PTPRO: variants seen among roughly 807,000 people sequenced by gnomAD.
PTPRO encodes receptor-type tyrosine-protein phosphatase O.
Under a neutral mutation model 145.2 loss-of-function variants are expected in PTPRO, and 62 were observed. The observed-to-expected ratio is 0.43, with a 90% CI of 0.35 to 0.53. The LOEUF is 0.53. Among genes scored for constraint, PTPRO ranks in the 20% least tolerant of loss-of-function variants. The pLI, the probability that PTPRO is intolerant of heterozygous loss-of-function variation, is 0.01. For synonymous variants in PTPRO, 565 were observed against 514.7 expected, an observed-to-expected ratio of 1.10 and a Z score of -1.32; for missense variants, 1,345 against 1,482.7, an observed-to-expected ratio of 0.91 and a Z score of 1.53.
At chr12:15,440,553 G>A (rs1231880633) in intron 1 of PTPRO, among the ~76,000 whole-genome samples, 1 of 152,152 alleles carries the variant, frequency 6.6e-6, no homozygotes, top group Non-Finnish European at 1.5e-5. Context: ...CATGCAAACA[G>A]AGAAGAAATA....
chr12:15,445,103 G>T (rs1940867550), intron 1 of PTPRO, among the ~76,000 whole-genome samples: 1 of 152,022 alleles, frequency 6.6e-6, no homozygotes, highest in Admixed American at 6.6e-5. Flanking sequence ...ATGGGAAAAA[G>T]CATATTAGAA....
intron 1 of PTPRO, among the ~76,000 whole-genome samples, chr12:15,407,146 G>A (rs1046913012): frequency 2.1e-4 from 32 of 152,252 alleles, no homozygotes; most frequent in African/African-American, 6.5e-4. Context: ...TGGACCCCTC[G>A]TTGTTTACCT....
At chr12:15,548,319 G>A (rs577570615) in intron 13 of PTPRO, among the ~76,000 whole-genome samples, 38 of 152,264 alleles carry the variant, frequency 2.5e-4, no homozygotes, top group African/African-American at 7.9e-4. Flanking sequence ...GCATTGTCAC[G>A]CATTGATGCC....
At chr12:15,576,294 A>G (rs1412898547) in intron 19 of PTPRO, among the ~76,000 whole-genome samples, 1 of 152,234 alleles carries the variant, frequency 6.6e-6, no homozygotes. Context: ...TACTGTGTTT[A>G]CATGCAGTTC....
intron 17 of PTPRO, among the ~76,000 whole-genome samples, chr12:15,564,950 CT>C (rs1480663767): frequency 1.3e-5 from 2 of 152,074 alleles, no homozygotes; most frequent in African/African-American, 2.4e-5. Context: ...ACAAATGTAA[CT>C]AACTAAAGCA....
intron 12 of PTPRO, among the ~76,000 whole-genome samples, chr12:15,544,459 T>G (rs2135545250): frequency 7.4e-6 from 1 of 134,780 alleles, no homozygotes; most frequent in Non-Finnish European, 1.5e-5. Context: ...GAGCCGAGAT[T>G]GCACCACCAC....
chr12:15,406,313 G>A (rs1939646282), intron 1 of PTPRO, among the ~76,000 whole-genome samples: 1 of 152,136 alleles, frequency 6.6e-6, no homozygotes. Flanking sequence ...TACATGCAGA[G>A]ATAAATGATT....
chr12:15,526,158 T>C lies in PTPRO; in HGVS notation c.2060T>C (p.Met687Thr). Residue 687 changes from methionine (M) to threonine (T), a missense_variant, in exon 12 of 27, where the codon ATG becomes ACG. Met to Thr is a moderately conservative substitution (Grantham distance 81). This residue lies in a region of PTPRO where 1,130 missense variants were observed against 1,214.7 expected (regional missense o/e 0.93). Coordinates refer to ENST00000281171, the MANE Select transcript of PTPRO (RefSeq NM_030667.3). Reference protein sequence around the residue: ...KIKKSVTRNVMTAILSLPPGD... With the variant: ...KIKKSVTRNVTTAILSLPPGD... ...ATCTTGCAGGTAACACGCAATGTCA[T>C]GACTGCAATTCTCAGCTTGCCTCCA... 6.2e-7 allele frequency: 1 copy of C among 1,614,078 alleles called. No homozygotes were observed. Among genetic ancestry groups the C allele is most frequent in the Non-Finnish European group, 8.5e-7 (1 of 1,179,944 alleles).
chr12:15,328,467 G>A lies in PTPRO; in HGVS notation c.75+5666G>A, dbSNP rs568593951. Among the ~76,000 whole-genome samples, 7 of 152,248 alleles carry A rather than the reference G, an allele frequency of 4.6e-5. No individual in the cohort carries two copies. In the East Asian group the frequency reaches 5.8e-4, roughly 13 times the overall value. On this transcript the variant is annotated intron_variant, in intron 1 of 26. Transcript: ENST00000281171. ...CAGAAGATGTTTGAAACAAGGTTGCGGGGATTTCCTGATAAAAGGTTTTTT... is the reference window on the plus strand; with the variant it reads ...CAGAAGATGTTTGAAACAAGGTTGCAGGGATTTCCTGATAAAAGGTTTTTT...
intron 5 of PTPRO, 102 bp downstream of exon 5, chr12:15,502,165 T>C (rs1942235645): frequency 5.9e-6 from 7 of 1,176,816 alleles, no homozygotes; most frequent in Non-Finnish European, 8.6e-6. Context: ...TAGACAGTTA[T>C]TAGTCAAAGA....
intron 9 of PTPRO, among the ~76,000 whole-genome samples, chr12:15,518,925 T>C (rs1049952543): frequency 6.6e-6 from 1 of 152,212 alleles, no homozygotes; most frequent in Non-Finnish European, 1.5e-5. Flanking sequence ...CTCCAAACTG[T>C]TCCAGCCTCT....
chr12:15,403,667 C>G lies in PTPRO; in HGVS notation c.76-80307C>G, dbSNP rs139597868. Among the ~76,000 whole-genome samples the G allele has an allele frequency of 1.7e-4, 26 of 152,272 alleles. No individual in the cohort carries two copies. The East Asian group carries it at 4.6e-3, about 27-fold the overall frequency. On this transcript the variant is annotated intron_variant, in intron 1 of 26. Transcript: ENST00000281171. ...TTTGGTGTGGCCCTACTTGGCTTCC[C>G]TATTTAAAGGGAAGTCCATTTACTG...
At chr12:15,504,881 C>G (rs551042868) in intron 6 of PTPRO, among the ~76,000 whole-genome samples, 28 of 152,162 alleles carry the variant, frequency 1.8e-4, no homozygotes, top group Non-Finnish European at 3.5e-4. Context: ...AGGAGCTCAG[C>G]TTATGTAGCA....
intron 13 of PTPRO, 75 bp downstream of exon 13, chr12:15,546,783 C>T (rs1943302799): frequency 6.4e-7 from 1 of 1,560,762 alleles, no homozygotes; most frequent in South Asian, 1.1e-5. Flanking sequence ...TAAGAATCTT[C>T]TATTTCTTTG....
At chr12:15,463,449 A>G (rs1941349682) in intron 1 of PTPRO, among the ~76,000 whole-genome samples, 1 of 152,210 alleles carries the variant, frequency 6.6e-6, no homozygotes, top group Non-Finnish European at 1.5e-5. Flanking sequence ...GCAAATCAGA[A>G]ACAAATTATA....
intron 1 of PTPRO, among the ~76,000 whole-genome samples, chr12:15,423,796 G>T (rs931880821): frequency 1.3e-5 from 2 of 152,134 alleles, no homozygotes; most frequent in African/African-American, 2.4e-5. Flanking sequence ...GCTTTTGCCT[G>T]TCAATATCCT....
chr12:15,386,114 C>T (rs2136280577), intron 1 of PTPRO, among the ~76,000 whole-genome samples: 1 of 151,998 alleles, frequency 6.6e-6, no homozygotes, highest in Non-Finnish European at 1.5e-5. Context: ...TCAAGTCATC[C>T]AGAACTCACA....
intron 6 of PTPRO, among the ~76,000 whole-genome samples, chr12:15,507,611 T>C (rs957176782): frequency 1.3e-5 from 2 of 152,194 alleles, no homozygotes; most frequent in Non-Finnish European, 2.9e-5. Context: ...GTAGCATCCT[T>C]GTGTCTGTGG....
At chr12:15,460,390 G>T (rs1020139909) in intron 1 of PTPRO, among the ~76,000 whole-genome samples, 1 of 152,106 alleles carries the variant, frequency 6.6e-6, no homozygotes, top group African/African-American at 2.4e-5. Flanking sequence ...ACATTTTGAT[G>T]CTTTTCTCAT....
Sources: allele counts gnomAD v4.1 joint callset (sites outside exome capture counted in the v4.1 genomes callset), GRCh38; gene constraint gnomAD v4.1.1; regional missense constraint gnomAD v4.1.1; transcripts MANE v1.5; gene names NCBI Gene and HGNC (gene_info 2026-07-23, HGNC 2026-07-21).